RBM26: variants seen among roughly 807,000 people sequenced by gnomAD.
The protein encoded by RBM26 is RNA-binding protein 26.
A neutral mutation model predicts 123.6 loss-of-function variants in RBM26; 30 were observed. The observed-to-expected ratio is 0.24, with a 90% confidence interval of 0.18 to 0.33. The LOEUF (loss-of-function observed/expected upper bound fraction) is 0.33, where lower values mean the gene tolerates loss of function less well. Among genes scored for constraint, RBM26 ranks in the 10% least tolerant of loss-of-function variants. RBM26 has a pLI of 1.00. For missense variants in RBM26, 947 were observed against 1,203.6 expected, an observed-to-expected ratio of 0.79 and a Z score of 3.15; for synonymous variants, 400 against 404.4, an observed-to-expected ratio of 0.99 and a Z score of 0.13.
intron 1 of RBM26, among the ~76,000 whole-genome samples, chr13:79,393,707 T>C (rs1404723906): frequency 6.6e-6 from 1 of 152,144 alleles, no homozygotes; most frequent in Non-Finnish European, 1.5e-5. Flanking sequence ...TCCCCCCGTA[T>C]GACCACTGAG....
chr13:79,398,167 T>C (rs1382062614), intron 1 of RBM26, among the ~76,000 whole-genome samples: 4 of 152,210 alleles, frequency 2.6e-5, no homozygotes, highest in Non-Finnish European at 4.4e-5. Context: ...CATTCATTTC[T>C]CTCATTCATT....
At chr13:79,327,369 A>G (rs1367825476) in intron 20 of RBM26, among the ~76,000 whole-genome samples, 1 of 152,154 alleles carries the variant, frequency 6.6e-6, no homozygotes, top group Non-Finnish European at 1.5e-5. Flanking sequence ...CTACCTTAAG[A>G]CAAAAAGCCA....
intron 1 of RBM26, among the ~76,000 whole-genome samples, chr13:79,404,253 T>C (rs2079312418): frequency 1.3e-5 from 2 of 152,214 alleles, no homozygotes; most frequent in South Asian, 4.1e-4. Flanking sequence ...TTGCTTGGGT[T>C]ATCTAAGGCA....
rs369985838 is a variant in RBM26, at chr13:79,369,098, A to AC, written c.635-109_635-108insG. The AC allele has an allele frequency of 4.6e-3, 2,818 of 607,814 alleles. 14 individuals are homozygous for AC. Among genetic ancestry groups the AC allele is most frequent in the Non-Finnish European group, 5.9e-3 (2,311 of 391,484 alleles). 37.7% of individuals were successfully genotyped at this position (607,814 alleles called of 1,614,324 possible). ...TATAAACATAGAAAAAAAATTTTAA[A>AC]TTTTGCATAATAATCATTTTCTTTT... On this transcript the variant is annotated intron_variant, in intron 5 of 21. Coordinates refer to ENST00000438737, the MANE Select transcript of RBM26 (RefSeq NM_001366735.2).
At chr13:79,353,368 GAGAC>G (rs2073535251) in intron 13 of RBM26, 144 bp from the exon 14 acceptor site, 1 of 432,078 alleles carries the variant, frequency 2.3e-6, no homozygotes, top group African/African-American at 2.0e-5. Context: ...CTTCTTAAAA[GAGAC>G]AGAAAGAAAA....
intron 9 of RBM26, among the ~76,000 whole-genome samples, chr13:79,360,337 G>C (rs867686538): frequency 1.3e-5 from 2 of 151,766 alleles, no homozygotes; most frequent in South Asian, 4.1e-4. Flanking sequence ...GTAATCTAAG[G>C]GTTTTTTCAA....
intron 18 of RBM26, among the ~76,000 whole-genome samples, chr13:79,340,105 C>T (rs1220912745): frequency 6.6e-6 from 1 of 151,894 alleles, no homozygotes; most frequent in African/African-American, 2.4e-5. Context: ...GGCATAAAAT[C>T]GCTACAATGG....
At chr13:79,351,756 C>A (rs938259344) in intron 14 of RBM26, among the ~76,000 whole-genome samples, 1 of 152,048 alleles carries the variant, frequency 6.6e-6, no homozygotes, top group South Asian at 2.1e-4. Context: ...ATTGAGTTAT[C>A]GATGAGCTGT....
In RBM26 at chr13:79,368,755, T is replaced by C; in HGVS notation, c.870A>G (p.Pro290=). Residue 290 remains proline, a synonymous_variant, in exon 6 of 22, where the codon CCA becomes CCG. Transcript: ENST00000438737. ...CATCATAGTCTCTACACCGTTTCTT[T>C]GGCATGGGTGGTCTTACGTAAGAGT... is the stretch of plus-strand genomic sequence containing the variant. ...DHNSYVRPPM[P]KKRCRDYDEK... is the part of the protein sequence containing the mutation. The C allele has an allele frequency of 6.2e-7, 1 of 1,614,008 alleles. No homozygotes were observed. The highest frequency in any genetic ancestry group is 8.5e-7 in the Non-Finnish European group (1 of 1,179,924).
At chr13:79,377,769 A>T (rs1181180075) in intron 2 of RBM26, among the ~76,000 whole-genome samples, 2 of 152,098 alleles carry the variant, frequency 1.3e-5, no homozygotes, top group Non-Finnish European at 2.9e-5. Context: ...TTAGCCAGGC[A>T]TGATGGCAGG....
intron 1 of RBM26, among the ~76,000 whole-genome samples, chr13:79,384,940 G>C (rs749477433): frequency 6.6e-6 from 1 of 152,122 alleles, no homozygotes; most frequent in Non-Finnish European, 1.5e-5. Context: ...GGAGACTTTA[G>C]AAATTCAGTA....
At chr13:79,341,541 A>G (rs115706985) in intron 17 of RBM26, among the ~76,000 whole-genome samples, 322 of 151,956 alleles carry the variant, frequency 2.1e-3, no homozygotes, top group African/African-American at 7.4e-3. Context: ...CTAAAAAACC[A>G]AGGTGCTAAT....
At chr13:79,387,280 A>G (rs2077572137) in intron 1 of RBM26, among the ~76,000 whole-genome samples, 1 of 58,378 alleles carries the variant, frequency 1.7e-5, no homozygotes, top group African/African-American at 5.8e-5. Context: ...ATTACTAAAT[A>G]ATGAACTATG....
At chr13:79,383,420 T>A (rs1195766446) in intron 1 of RBM26, among the ~76,000 whole-genome samples, 2 of 152,156 alleles carry the variant, frequency 1.3e-5, no homozygotes, top group African/African-American at 4.8e-5. Flanking sequence ...TAATAGTTAC[T>A]AAGAGAGAGA....
chr13:79,351,974 T>C (rs1233499950), intron 14 of RBM26, among the ~76,000 whole-genome samples: 1 of 152,152 alleles, frequency 6.6e-6, no homozygotes, highest in East Asian at 1.9e-4. Context: ...TGTAAGGCTT[T>C]TGGATCACAC....
chr13:79,349,657 AAT>A (rs1392578655), intron 14 of RBM26, among the ~76,000 whole-genome samples: 1 of 152,128 alleles, frequency 6.6e-6, no homozygotes, highest in Non-Finnish European at 1.5e-5. Flanking sequence ...AAAAATTAAA[AAT>A]AGTCAATAAC....
At chr13:79,367,397 A>C in intron 6 of RBM26, among the ~76,000 whole-genome samples, 1 of 123,178 alleles carries the variant, frequency 8.1e-6, no homozygotes, top group African/African-American at 3.4e-5. Context: ...ATAGGGGGAG[A>C]CTCCATCTCA....
intron 1 of RBM26, among the ~76,000 whole-genome samples, chr13:79,387,785 C>T (rs1455965328): frequency 2.0e-5 from 3 of 152,114 alleles, no homozygotes; most frequent in Non-Finnish European, 2.9e-5. Context: ...TTCCTCAGCA[C>T]TCATGACCAA....
At chr13:79,375,451 G>A (rs1028639081) in intron 3 of RBM26, among the ~76,000 whole-genome samples, 13 of 151,856 alleles carry the variant, frequency 8.6e-5, no homozygotes, top group East Asian at 1.9e-4. Flanking sequence ...AATTACAGGC[G>A]AGAGCCACAG....
Sources: gnomAD v4.1 joint callset for allele counts (sites outside exome capture counted in the v4.1 genomes callset) on GRCh38, gnomAD v4.1.1 for gene constraint, MANE v1.5 for transcripts, NCBI Gene and HGNC (gene_info 2026-07-23, HGNC 2026-07-21) for gene names.